The following ARFIP2 variants were observed in gnomAD, a reference collection of about 807,000 sequenced individuals.
ARFIP2 encodes the protein arfaptin-2.
In ARFIP2, 14 loss-of-function variants were observed where a neutral mutation model predicts 39.2. That is an observed-to-expected ratio of 0.36 (90% CI 0.24 to 0.56). The LOEUF (loss-of-function observed/expected upper bound fraction) is 0.56, where lower values mean the gene tolerates loss of function less well. Among genes scored for constraint, ARFIP2 ranks in the 20% least tolerant of loss-of-function variants. The probability of loss-of-function intolerance (pLI) is 0.85; values close to 1 mark genes in which losing one functional copy is unlikely to be tolerated. For synonymous variants in ARFIP2, 167 were observed against 172.4 expected, an observed-to-expected ratio of 0.97 and a Z score of 0.24; for missense variants, 305 against 422.5, an observed-to-expected ratio of 0.72 and a Z score of 2.44.
chr11:6,479,006 C>T, intron 4 of ARFIP2, 47 bp from the exon 5 acceptor site: 1 of 1,600,162 alleles, frequency 6.2e-7, no homozygotes, highest in Non-Finnish European at 8.6e-7. Context: ...ACAGCCTCCC[C>T]ACACAACAGG....
At chr11:6,479,421 G>T in intron 3 of ARFIP2, 163 bp from the exon 4 acceptor site, 1 of 1,431,782 alleles carries the variant, frequency 7.0e-7, no homozygotes, top group East Asian at 2.3e-5. Flanking sequence ...GACTTTGCGC[G>T]GTGAGAACCA....
rs759846347 is a variant in ARFIP2 at position 6,477,218 on chromosome 11, G to C, written c.921C>G (p.Ala307=). ...GCTGTTTCTGGTTCCCAGCAAAGTAGGCGGACACAGCATTGTGGAAGAGCA... is the reference window on the plus strand; with the variant it reads ...GCTGTTTCTGGTTCCCAGCAAAGTACGCGGACACAGCATTGTGGAAGAGCA... ...QLLLFHNAVS[A]YFAGNQKQLE... Residue 307 remains alanine, a synonymous_variant, in exon 8 of 8, where the codon GCC becomes GCG. Transcript: ENST00000396777. This position sits in a 1 kb window ranked among gnomAD's most constrained non-coding sequence, Gnocchi z 4.8. The C allele has an allele frequency of 3.7e-5, 60 of 1,613,578 alleles. 1 individual carries two copies. In the Admixed American group the frequency reaches 3.8e-4, roughly 10 times the overall value.
intron 2 of ARFIP2, 94 bp downstream of exon 2, chr11:6,480,225 ATAAG>A (rs1190837997): frequency 1.5e-6 from 2 of 1,347,156 alleles, no homozygotes; most frequent in African/African-American, 1.5e-5. Flanking sequence ...AGGGAGTCAG[ATAAG>A]TCAGGGGAAG....
At position 6,477,721 on chromosome 11, in the gene ARFIP2, G is replaced by A. The variant is rs1374470276; in HGVS notation, c.867C>T (p.Asn289=). 2 of 1,613,652 alleles carry A rather than the reference G, an allele frequency of 1.2e-6. No homozygotes were observed. Among genetic ancestry groups the A allele is most frequent in the Non-Finnish European group, 1.7e-6 (2 of 1,179,882 alleles). Residue 289 remains asparagine, a synonymous_variant, in exon 7 of 8, where the codon AAC becomes AAT. Coordinates refer to ENST00000396777, the MANE Select transcript of ARFIP2 (RefSeq NM_001376558.2). The surrounding 1 kb of genome is among the most constrained non-coding windows in gnomAD (Gnocchi z 4.8). Reference sequence around the variant, plus strand: ...GTCAAGGGGGTGGGGTTGGCACCTTGTTTTCTTCCAGGAACTTGAGCTTGA... The same window carrying A: ...GTCAAGGGGGTGGGGTTGGCACCTTATTTTCTTCCAGGAACTTGAGCTTGA... ...VAIKLKFLEE[N]KIKVMHKQLL...
chr11:6,478,237 CCCTA>C lies in ARFIP2; in HGVS notation c.538-43_538-40del. On this transcript the variant is annotated intron_variant, in intron 5 of 7. Transcript: ENST00000396777. The surrounding 1 kb of genome is among the most constrained non-coding windows in gnomAD (Gnocchi z 4.8). Reference sequence around the variant, plus strand: ...GGAGGAACAGACCTTGAATAACACTCCCTACCTGACTGAAGCTGTAGAGCCCTTC... The same window carrying C: ...GGAGGAACAGACCTTGAATAACACTCCCTGACTGAAGCTGTAGAGCCCTTC... 1 of 1,610,998 alleles carries C rather than the reference CCCTA, an allele frequency of 6.2e-7. No homozygotes were observed. The highest frequency in any genetic ancestry group is 8.5e-7 in the Non-Finnish European group (1 of 1,177,832).
In ARFIP2 at chr11:6,476,892, G is replaced by T; in HGVS notation, c.*221C>A. On this transcript the variant is annotated 3_prime_UTR_variant, in exon 8 of 8. Transcript: ENST00000396777. The stretch of plus-strand genomic sequence containing the variant: ...AAGTGGAAGGAAAAGATCTGGGAAT[G>T]AAGCCCTGTGGCCAGGAAGATAGAC... 2.0e-6 allele frequency: 1 copy of T among 501,392 alleles called. No individual in the cohort carries two copies. Among genetic ancestry groups the T allele is most frequent in the Non-Finnish European group, 3.5e-6 (1 of 284,790 alleles). The allele number at this position is 501,392 out of a possible 1,614,324, so 31.1% of individuals were successfully genotyped here.
In ARFIP2 at chr11:6,478,178, T is replaced by C; in HGVS notation, c.558A>G (p.Ala186=). Residue 186 remains alanine (A), a synonymous_variant, in exon 6 of 8, where the codon GCA becomes GCG. Coordinates refer to ENST00000396777, the MANE Select transcript of ARFIP2 (RefSeq NM_001376558.2). This position sits in a 1 kb window ranked among gnomAD's most constrained non-coding sequence, Gnocchi z 4.8. Reference sequence around the variant, plus strand: ...TCTTGCATAGTAGTTTCTGTGTCTCTGCATTGTAGCCAAATTCCTCCTGAG... The same window carrying C: ...TCTTGCATAGTAGTTTCTGTGTCTCCGCATTGTAGCCAAATTCCTCCTGAG... ...PELQEEFGYN[A]ETQKLLCKNG... is the part of the protein sequence containing the mutation. 1.2e-6 allele frequency: 2 copies of C among 1,614,090 alleles called. No individual in the cohort carries two copies. The highest frequency in any genetic ancestry group is 1.7e-6 in the Non-Finnish European group (2 of 1,179,986).
rs755431319 is a variant in ARFIP2 at position 6,480,365 on chromosome 11, G to A, written c.57C>T (p.Asn19=). The change falls in exon 2 of 8, where the codon AAC becomes AAT. Residue 19 remains asparagine, a synonymous_variant. Transcript: ENST00000396777. ...CTTCAGGAAGCTGCCTGGCTTCGCC[G>A]TTCCCGTGGATAGGGATCTCCATTG... is the stretch of plus-strand genomic sequence containing the variant. ...AATMEIPIHG[N]GEARQLPEDD... 9 of 1,613,476 alleles carry A rather than the reference G, an allele frequency of 5.6e-6. No individual in the cohort carries two copies. Among genetic ancestry groups the A allele is most frequent in the African/African-American group, 4.0e-5 (3 of 74,872 alleles).
At chr11:6,480,290 A>C (rs1481702226) in intron 2 of ARFIP2, 33 bp downstream of exon 2, 3 of 1,598,258 alleles carry the variant, frequency 1.9e-6, no homozygotes, top group Non-Finnish European at 2.6e-6. Context: ...GGATTCCTAA[A>C]TTGAAACAAT....
intron 3 of ARFIP2, 117 bp downstream of exon 3, chr11:6,479,855 G>A (rs759418326): frequency 5.9e-5 from 61 of 1,026,790 alleles, no homozygotes; most frequent in Non-Finnish European, 7.8e-5. Context: ...GTTCCTACAA[G>A]CAGAAGTTCC....
chr11:6,479,685 C>T, intron 3 of ARFIP2: 1 of 540,696 alleles, frequency 1.8e-6, no homozygotes, highest in South Asian at 2.4e-5. Context: ...TCCAACTCAG[C>T]CTCAAGCTGT....
In ARFIP2 at chr11:6,477,269, C is replaced by G; in HGVS notation, c.871-1G>C. On this transcript the variant is annotated splice_acceptor_variant, in intron 7 of 7. Coordinates refer to ENST00000396777, the MANE Select transcript of ARFIP2 (RefSeq NM_001376558.2). LOFTEE classifies it high-confidence loss of function. This position sits in a 1 kb window ranked among gnomAD's most constrained non-coding sequence, Gnocchi z 4.8. ...GCAGCTGCTTGTGCATCACCTTGATCTGGGGGTCCAGCAGGGTCAGCTAAG... is the reference window on the plus strand; with the variant it reads ...GCAGCTGCTTGTGCATCACCTTGATGTGGGGGTCCAGCAGGGTCAGCTAAG... 6.2e-7 allele frequency: 1 copy of G among 1,612,460 alleles called. No individual in the cohort carries two copies. Among genetic ancestry groups the G allele is most frequent in the Non-Finnish European group, 8.5e-7 (1 of 1,179,456 alleles).
chr11:6,477,094 A>G lies in ARFIP2; in HGVS notation c.*19T>C. 6.2e-7 allele frequency: 1 copy of G among 1,600,406 alleles called. No individual in the cohort carries two copies. The highest frequency in any genetic ancestry group is 2.2e-5 in the East Asian group (1 of 44,634). On this transcript the variant is annotated 3_prime_UTR_variant, in exon 8 of 8. Transcript: ENST00000396777. The surrounding 1 kb of genome is among the most constrained non-coding windows in gnomAD (Gnocchi z 4.8). Reference sequence around the variant, plus strand: ...CTTCCCAATGTCTTTCTTGATAGCCAAGTTGGGCTGGGAGCAGCTCACTGC... The same window carrying G: ...CTTCCCAATGTCTTTCTTGATAGCCGAGTTGGGCTGGGAGCAGCTCACTGC...
At chr11:6,480,789 C>A (rs968299687) in intron 1 of ARFIP2, 3 of 204,180 alleles carry the variant, frequency 1.5e-5, no homozygotes, top group Admixed American at 1.1e-4. Flanking sequence ...GAGGGAAAGT[C>A]TGCTCTCTTA....
In ARFIP2 at chr11:6,480,471, G is replaced by T; in HGVS notation, c.-42-8C>A. 2.1e-6 allele frequency: 3 copies of T among 1,440,004 alleles called. No individual in the cohort carries two copies. Among genetic ancestry groups the T allele is most frequent in the South Asian group, 1.3e-5 (1 of 74,932 alleles). 89.2% of individuals were successfully genotyped at this position (1,440,004 alleles called of 1,614,324 possible). On this transcript the variant is annotated splice_polypyrimidine_tract_variant and splice_region_variant and intron_variant, in intron 1 of 7. Transcript: ENST00000396777. ...ACTCTCCACCCCAGCACCCTGCAAA[G>T]CCCAACACAGAAGTTCTGGACACTG...
At position 6,477,248 on chromosome 11, in the gene ARFIP2, C is replaced by A. The variant is rs1421924036; in HGVS notation, c.891G>T (p.Gln297His). Residue 297 changes from glutamine (Q) to histidine (H), a missense_variant, in exon 8 of 8, where the codon CAG becomes CAT. Transcript: ENST00000396777. This position sits in a 1 kb window ranked among gnomAD's most constrained non-coding sequence, Gnocchi z 4.8. Reference sequence around the variant, plus strand: ...ACACAGCATTGTGGAAGAGCAGCAGCTGCTTGTGCATCACCTTGATCTGGG... The same window carrying A: ...ACACAGCATTGTGGAAGAGCAGCAGATGCTTGTGCATCACCTTGATCTGGG... ...EENKIKVMHK[Q>H]LLLFHNAVSA... The A allele has an allele frequency of 1.9e-6, 3 of 1,613,446 alleles. No individual in the cohort carries two copies. The South Asian group carries it at 3.3e-5, about 18-fold the overall frequency.
In ARFIP2 at chr11:6,478,914, T is replaced by C. The variant is rs1466978047; in HGVS notation, c.361A>G (p.Thr121Ala). The C allele has an allele frequency of 6.2e-7, 1 of 1,614,132 alleles. No homozygotes were observed. Among genetic ancestry groups the C allele is most frequent in the South Asian group, 1.1e-5 (1 of 91,088 alleles). ...LSERFGRGSR[T>A]VDLELELQIE... Reference sequence around the variant, plus strand: ...TGCAGCTCTAGCTCCAGGTCCACAGTCCGTGAGCCTCGACCAAATCGTTCT... The same window carrying C: ...TGCAGCTCTAGCTCCAGGTCCACAGCCCGTGAGCCTCGACCAAATCGTTCT... The change falls in exon 5 of 8, where the codon ACT becomes GCT. Residue 121 changes from threonine to alanine, a missense_variant. By Grantham distance (58) the Thr-to-Ala change is moderately conservative. Coordinates refer to ENST00000396777, the MANE Select transcript of ARFIP2 (RefSeq NM_001376558.2). The surrounding 1 kb of genome is among the most constrained non-coding windows in gnomAD (Gnocchi z 4.8).
chr11:6,480,782 G>A (rs1175999409), intron 1 of ARFIP2: 2 of 206,416 alleles, frequency 9.7e-6, no homozygotes, highest in East Asian at 1.4e-4. Context: ...CAGTGAAGAG[G>A]GAAAGTCTGC....
intron 1 of ARFIP2, 64 bp from the exon 2 acceptor site, chr11:6,480,527 T>C: frequency 3.7e-6 from 3 of 821,218 alleles, no homozygotes; most frequent in Non-Finnish European, 5.6e-6. Context: ...AGGCCTCCTC[T>C]GTCATTTCTT....
Sources: allele counts gnomAD v4.1 joint callset, GRCh38; gene constraint gnomAD v4.1.1; non-coding constraint Gnocchi (gnomAD v3.1); transcripts MANE v1.5; gene names NCBI Gene and HGNC (gene_info 2026-07-23, HGNC 2026-07-21).